The following SLC14A2 variants were observed in gnomAD, a reference collection of about 807,000 sequenced individuals.
The protein encoded by SLC14A2 is urea transporter 2.
Under a neutral mutation model 104.6 loss-of-function variants are expected in SLC14A2, and 91 were observed. That is an observed-to-expected ratio of 0.87 (90% CI 0.73 to 1.04). SLC14A2 has a LOEUF of 1.04. SLC14A2 is among the 50% of genes least tolerant of loss of function. The pLI, the probability that SLC14A2 is intolerant of heterozygous loss-of-function variation, is 0.00. For synonymous variants in SLC14A2, 476 were observed against 466.4 expected, an observed-to-expected ratio of 1.02 and a Z score of -0.27; for missense variants, 1,189 against 1,156.0, an observed-to-expected ratio of 1.03 and a Z score of -0.41.
rs530020442 is a variant in SLC14A2 at position 45,424,892 on chromosome 18, T to C, written c.-124-58341T>C. On this transcript the variant is annotated intron_variant, in intron 1 of 20. Transcript: ENST00000586448. ...AGTATATTTAAAAACCATTACCTCA[T>C]TTTTATCCTGCTGAAGGCCTGTCAG... Among the ~76,000 whole-genome samples, 4 of 152,336 alleles carry C rather than the reference T, an allele frequency of 2.6e-5. No homozygotes were observed. In the South Asian group the frequency reaches 6.2e-4, roughly 24 times the overall value.
chr18:45,593,230 T>C (rs1051091432), intron 2 of SLC14A2, among the ~76,000 whole-genome samples: 2 of 151,106 alleles, frequency 1.3e-5, no homozygotes, highest in African/African-American at 4.9e-5. Context: ...GGCAGGAGAA[T>C]GGCGTGAACC....
Position 45,393,080 on chromosome 18 carries a change from G to A in SLC14A2, c.-124-90153G>A, listed in dbSNP as rs572285823. Among the ~76,000 whole-genome samples the A allele has an allele frequency of 7.2e-5, 11 of 152,286 alleles. No homozygotes were observed. In the East Asian group the frequency reaches 2.1e-3, roughly 29 times the overall value. On this transcript the variant is annotated intron_variant, in intron 1 of 20. Coordinates refer to the SLC14A2 transcript ENST00000586448. ...ATAAGTGATTGACCTTAGAGTATAG[G>A]TTGGTGGACCACTATAAAGAGGGAG...
At chr18:45,338,700 A>C (rs1322291553) in intron 1 of SLC14A2, among the ~76,000 whole-genome samples, 23 of 134,886 alleles carry the variant, frequency 1.7e-4, no homozygotes, top group Middle Eastern at 3.8e-3. Context: ...AAAAAAAAAA[A>C]AAAAAAAAAA....
chr18:45,339,071 G>C (rs1409157716), intron 1 of SLC14A2, among the ~76,000 whole-genome samples: 1 of 152,074 alleles, frequency 6.6e-6, no homozygotes, highest in Admixed American at 6.5e-5. Context: ...CAAGTAGCTG[G>C]GATTACAGGT....
intron 1 of SLC14A2, among the ~76,000 whole-genome samples, chr18:45,409,931 T>C (rs1477810744): frequency 1.3e-5 from 2 of 152,224 alleles, no homozygotes; most frequent in Non-Finnish European, 2.9e-5. Flanking sequence ...GAAATAATTA[T>C]ACAATTCACC....
At chr18:45,625,909 G>A (rs763439343) in intron 3 of SLC14A2, 46 bp downstream of exon 3, 1 of 1,340,126 alleles carries the variant, frequency 7.5e-7, no homozygotes, top group Non-Finnish European at 9.7e-7. Context: ...GGCCAGGCCA[G>A]AGAGACAACC....
At chr18:45,241,678 T>C (rs901728180) in intron 1 of SLC14A2, among the ~76,000 whole-genome samples, 2 of 149,808 alleles carry the variant, frequency 1.3e-5, no homozygotes, top group Non-Finnish European at 3.0e-5. Context: ...AGTTTCACTC[T>C]TGTTGCCCAG....
intron 2 of SLC14A2, among the ~76,000 whole-genome samples, chr18:45,498,202 T>TA (rs1444765573): frequency 2.0e-5 from 3 of 152,202 alleles, no homozygotes; most frequent in Non-Finnish European, 2.9e-5. Flanking sequence ...TGCAAGTTTT[T>TA]AAAAAAGATT....
rs532892943 is a variant in SLC14A2 at position 45,397,849 on chromosome 18, G to A, written c.-124-85384G>A. Among the ~76,000 whole-genome samples, 129 of 152,042 alleles carry A rather than the reference G, an allele frequency of 8.5e-4. 1 individual carries two copies. Among genetic ancestry groups the A allele is most frequent in the African/African-American group, 2.8e-3 (118 of 41,470 alleles). On this transcript the variant is annotated intron_variant, in intron 1 of 20. Transcript: ENST00000586448. The stretch of plus-strand genomic sequence containing the variant: ...GTACCTACCTTTTCAAAGAGATACC[G>A]AGAAAATTTAATAAATTATGTAAAA...
intron 2 of SLC14A2, among the ~76,000 whole-genome samples, chr18:45,513,108 A>T (rs544752831): frequency 6.6e-6 from 1 of 152,264 alleles, no homozygotes; most frequent in South Asian, 2.1e-4. Context: ...CTGAGAGTTC[A>T]TATCATGGGG....
chr18:45,656,111 A>G lies in SLC14A2; in HGVS notation c.1352-7674A>G, dbSNP rs144204503. ...TATGTATTGAATACTTTTTATGTGC[A>G]TTGTAACTAACAATAGGAAACTCCA... On this transcript the variant is annotated intron_variant, in intron 10 of 19. Transcript: ENST00000255226. 4.1e-3 allele frequency among the ~76,000 whole-genome samples: 624 copies of G among 152,358 alleles called. 5 individuals carry two copies. Among genetic ancestry groups the G allele is most frequent in the Middle Eastern group, 0.034 (10 of 294 alleles).
chr18:45,348,872 A>G (rs1488174041), intron 1 of SLC14A2, among the ~76,000 whole-genome samples: 1 of 152,196 alleles, frequency 6.6e-6, no homozygotes, highest in African/African-American at 2.4e-5. Context: ...TTGCATGCAG[A>G]CCAGTTGTGT....
At chr18:45,262,220 G>T (rs1328327148) in intron 1 of SLC14A2, among the ~76,000 whole-genome samples, 1 of 152,002 alleles carries the variant, frequency 6.6e-6, no homozygotes, top group Non-Finnish European at 1.5e-5. Flanking sequence ...TTCATAAATT[G>T]CCTCCTTTTA....
intron 1 of SLC14A2, among the ~76,000 whole-genome samples, chr18:45,441,471 G>A: frequency 6.6e-6 from 1 of 152,222 alleles, no homozygotes; most frequent in Non-Finnish European, 1.5e-5. Flanking sequence ...CAGGAGACAG[G>A]GTGAGAGAAC....
At chr18:45,537,428 G>T (rs1185302547) in intron 2 of SLC14A2, among the ~76,000 whole-genome samples, 1 of 152,104 alleles carries the variant, frequency 6.6e-6, no homozygotes, top group Non-Finnish European at 1.5e-5. Context: ...AGCCATGCAG[G>T]TAACTGGGGA....
intron 1 of SLC14A2, among the ~76,000 whole-genome samples, chr18:45,220,962 C>G (rs1393788044): frequency 6.6e-6 from 1 of 152,138 alleles, no homozygotes; most frequent in Non-Finnish European, 1.5e-5. Flanking sequence ...TTTCTGTGCC[C>G]AAACTTCTTC....
chr18:45,335,443 G>A (rs913158306), intron 1 of SLC14A2, among the ~76,000 whole-genome samples: 1 of 148,930 alleles, frequency 6.7e-6, no homozygotes, highest in Non-Finnish European at 1.5e-5. Context: ...GAGGAAGGAG[G>A]CATAAACACT....
intron 2 of SLC14A2, among the ~76,000 whole-genome samples, chr18:45,589,337 G>A (rs1277739643): frequency 1.3e-5 from 2 of 152,070 alleles, no homozygotes; most frequent in Non-Finnish European, 1.5e-5. Flanking sequence ...GGGGCTGCAA[G>A]GTACCCCAAA....
chr18:45,286,984 G>A (rs1360203711), intron 1 of SLC14A2, among the ~76,000 whole-genome samples: 2 of 152,192 alleles, frequency 1.3e-5, no homozygotes, highest in Non-Finnish European at 2.9e-5. Flanking sequence ...GCAGCTACCT[G>A]TGTGCACTCA....
Sources: gnomAD v4.1 joint callset for allele counts (sites outside exome capture counted in the v4.1 genomes callset) on GRCh38, gnomAD v4.1.1 for gene constraint, MANE v1.5 for transcripts, NCBI Gene and HGNC (gene_info 2026-07-23, HGNC 2026-07-21) for gene names.